Variants in YTHDF2 observed in about 807,000 individuals in gnomAD.
The protein encoded by YTHDF2 is YTH domain-containing family protein 2.
In YTHDF2, 2 loss-of-function variants were observed where a neutral mutation model predicts 50.4. The observed-to-expected ratio is 0.04, with a 90% CI of 0.02 to 0.12. The LOEUF is 0.12. YTHDF2 is among the 10% of genes least tolerant of loss of function. YTHDF2 has a pLI of 1.00. For missense variants in YTHDF2, 483 were observed against 722.6 expected, an observed-to-expected ratio of 0.67 and a Z score of 3.80; for synonymous variants, 217 against 255.6, an observed-to-expected ratio of 0.85 and a Z score of 1.44.
At chr1:28,736,922 G>A (rs1318779597), upstream of YTHDF2, 1 of 618,148 alleles carries the variant, frequency 1.6e-6, no homozygotes, top group Non-Finnish European at 2.8e-6. Flanking sequence ...ATAGAGACGG[G>A]CATTGAGCTC....
At chr1:28,736,683 C>T (rs1304001722), upstream of YTHDF2, 2 of 212,236 alleles carry the variant, frequency 9.4e-6, no homozygotes, top group Non-Finnish European at 1.9e-5. Context: ...ACCCCCTAGG[C>T]CTTAATCCTG....
At chr1:28,762,610 A>T (rs1212150990) in intron 4 of YTHDF2, among the ~76,000 whole-genome samples, 1 of 152,184 alleles carries the variant, frequency 6.6e-6, no homozygotes, top group African/African-American at 2.4e-5. Context: ...AATATGCCTC[A>T]GTTGTGTTTT....
intron 2 of YTHDF2, 49 bp from the exon 3 acceptor site, chr1:28,738,210 G>C: frequency 1.4e-6 from 2 of 1,459,342 alleles, no homozygotes; most frequent in Non-Finnish European, 1.9e-6. Context: ...TAATTTGAAA[G>C]GAAGATTGTA....
chr1:28,742,337 T>TG, intron 3 of YTHDF2, 66 bp from the exon 4 acceptor site: 1 of 1,507,438 alleles, frequency 6.6e-7, no homozygotes. Flanking sequence ...CGTGACTAGG[T>TG]GGGGGGAGGA....
At chr1:28,744,345 T>G (rs891339165) in intron 4 of YTHDF2, among the ~76,000 whole-genome samples, 10 of 152,190 alleles carry the variant, frequency 6.6e-5, no homozygotes. Flanking sequence ...GTCTATAATA[T>G]GGCAGAGAAA....
At chr1:28,755,456 G>A (rs2088023640) in intron 4 of YTHDF2, among the ~76,000 whole-genome samples, 1 of 152,012 alleles carries the variant, frequency 6.6e-6, no homozygotes, top group African/African-American at 2.4e-5. Context: ...TGTGAGGTAG[G>A]TATAAGTAGC....
chr1:28,739,350 T>C (rs2124625987), intron 3 of YTHDF2: 3 of 151,680 alleles, frequency 2.0e-5, no homozygotes, highest in East Asian at 3.9e-4. Flanking sequence ...TGTCAACTCT[T>C]GTCACCCAGG....
chr1:28,760,056 A>G (rs1177038219), intron 4 of YTHDF2, among the ~76,000 whole-genome samples: 1 of 152,186 alleles, frequency 6.6e-6, no homozygotes, highest in African/African-American at 2.4e-5. Context: ...CATCAGTATC[A>G]GTGTCTTAAC....
At chr1:28,752,376 C>T (rs2124186814) in intron 4 of YTHDF2, among the ~76,000 whole-genome samples, 1 of 152,314 alleles carries the variant, frequency 6.6e-6, no homozygotes, top group East Asian at 1.9e-4. Context: ...GATCTCAACT[C>T]ACTGTGTCCT....
intron 4 of YTHDF2, among the ~76,000 whole-genome samples, chr1:28,759,886 G>A (rs1404432431): frequency 1.3e-5 from 2 of 152,200 alleles, no homozygotes; most frequent in African/African-American, 4.8e-5. Flanking sequence ...AACCCGGGAG[G>A]CGGAGGTTGC....
At chr1:28,762,843 A>T (rs2088155947) in intron 4 of YTHDF2, among the ~76,000 whole-genome samples, 1 of 151,810 alleles carries the variant, frequency 6.6e-6, no homozygotes, top group Admixed American at 6.6e-5. Context: ...TTTTATTTTT[A>T]ATTTTTATTT....
chr1:28,764,332 C>T (rs1046770525), intron 4 of YTHDF2, among the ~76,000 whole-genome samples: 6 of 151,640 alleles, frequency 4.0e-5, no homozygotes, highest in South Asian at 2.1e-4. Flanking sequence ...AGTACAGTGG[C>T]GCGATCTCAG....
At chr1:28,745,583 G>A (rs1014533771) in intron 4 of YTHDF2, among the ~76,000 whole-genome samples, 2 of 151,986 alleles carry the variant, frequency 1.3e-5, no homozygotes, top group Non-Finnish European at 2.9e-5. Flanking sequence ...AAATTAGCCG[G>A]GTGTGGTGGC....
At chr1:28,764,168 C>T (rs1038641965) in intron 4 of YTHDF2, among the ~76,000 whole-genome samples, 5 of 151,696 alleles carry the variant, frequency 3.3e-5, no homozygotes, top group African/African-American at 1.2e-4. Flanking sequence ...TCAGGCTGGT[C>T]TCGAACTCCC....
chr1:28,747,820 T>C (rs778937349), intron 4 of YTHDF2, among the ~76,000 whole-genome samples: 5 of 151,566 alleles, frequency 3.3e-5, no homozygotes, highest in African/African-American at 9.7e-5. Flanking sequence ...TTTAGTTTAC[T>C]CTCTTGTAAG....
At chr1:28,768,314 T>G (rs1404187573) in intron 4 of YTHDF2, among the ~76,000 whole-genome samples, 1 of 152,054 alleles carries the variant, frequency 6.6e-6, no homozygotes, top group Non-Finnish European at 1.5e-5. Context: ...AAATGAGCAT[T>G]GGGATTTATT....
Position 28,743,134 on chromosome 1 carries a change from C to T in YTHDF2, c.864C>T (p.Pro288=), listed in dbSNP as rs747665875. 2.5e-6 allele frequency: 4 copies of T among 1,614,186 alleles called. No individual in the cohort carries two copies. Among genetic ancestry groups the T allele is most frequent in the Admixed American group, 1.7e-5 (1 of 60,010 alleles). The change falls in exon 4 of 5, where the codon CCC becomes CCT. Residue 288 remains proline (P), a synonymous_variant. Transcript: ENST00000373812. The surrounding 1 kb of genome is among the most constrained non-coding windows in gnomAD (Gnocchi z 6.9). ...WDNKGPVAKA[P]SQALVQNIGQ... ...ACAAGGGTCCCGTTGCAAAAGCCCCCTCACAGGCTTTGGTTCAGAATATAG... is the reference window on the plus strand; with the variant it reads ...ACAAGGGTCCCGTTGCAAAAGCCCCTTCACAGGCTTTGGTTCAGAATATAG...
At chr1:28,759,098 C>T (rs1455472041) in intron 4 of YTHDF2, among the ~76,000 whole-genome samples, 1 of 152,154 alleles carries the variant, frequency 6.6e-6, no homozygotes, top group Non-Finnish European at 1.5e-5. Context: ...TTCTTGTTCT[C>T]CCTTACCTAC....
intron 4 of YTHDF2, among the ~76,000 whole-genome samples, chr1:28,752,229 G>A (rs2087966765): frequency 6.6e-6 from 1 of 152,174 alleles, no homozygotes; most frequent in South Asian, 2.1e-4. Flanking sequence ...TACAGCTGTT[G>A]TATCAATATA....
Sources: gnomAD v4.1 joint callset for allele counts (sites outside exome capture counted in the v4.1 genomes callset) on GRCh38, gnomAD v4.1.1 for gene constraint, Gnocchi (gnomAD v3.1) non-coding constraint, MANE v1.5 for transcripts, NCBI Gene and HGNC (gene_info 2026-07-23, HGNC 2026-07-21) for gene names.